The following DUSP13B variants were observed in gnomAD, a reference collection of about 807,000 sequenced individuals.
The protein encoded by DUSP13B is dual specificity phosphatase 13B.
At chr10:75,108,919 C>A in the DUSP13B span, 3 of 1,492,116 alleles carry the variant, frequency 2.0e-6, no homozygotes, top group Admixed American at 4.3e-5. Flanking sequence ...GCTATTTCTC[C>A]TTGTTTCCAC....
chr10:75,104,547 T>C, the DUSP13B span, among the ~76,000 whole-genome samples: 6 of 152,284 alleles, frequency 3.9e-5, no homozygotes, highest in East Asian at 1.2e-3. Context: ...TGACTGGGCA[T>C]GGTCCGAGAT....
At chr10:75,094,866 A>G in the DUSP13B span, 3 of 1,614,092 alleles carry the variant, frequency 1.9e-6, no homozygotes, top group Non-Finnish European at 2.5e-6. Context: ...GGCACAGTGT[A>G]CCAGCACGCG....
the DUSP13B span, chr10:75,095,733 G>A: frequency 1.2e-6 from 2 of 1,614,230 alleles, no homozygotes; most frequent in Admixed American, 1.7e-5. Context: ...CTTGCCTGCA[G>A]CGGCATTCAC....
At chr10:75,098,931 G>A in the DUSP13B span, 1 of 1,212,734 alleles carries the variant, frequency 8.2e-7, no homozygotes, top group African/African-American at 1.6e-5. Context: ...ACCATCTTTG[G>A]GGCCTCCAGA....
At chr10:75,095,908 C>T in the DUSP13B span, 2 of 966,576 alleles carry the variant, frequency 2.1e-6, no homozygotes, top group Non-Finnish European at 3.1e-6. Flanking sequence ...AGGGTAGAGA[C>T]AAGAGCCTGC....
the DUSP13B span, chr10:75,108,030 G>A: frequency 1.5e-5 from 24 of 1,613,472 alleles, no homozygotes; most frequent in South Asian, 1.3e-4. Context: ...GAAGTCAGCC[G>A]CAGAGGAGAA....
At chr10:75,101,766 A>AACC in the DUSP13B span, 2 of 748,174 alleles carry the variant, frequency 2.7e-6, no homozygotes, top group Non-Finnish European at 2.1e-6. Context: ...CCCAACCCAA[A>AACC]CCCCACCCCT....
chr10:75,105,495 A>G, the DUSP13B span, among the ~76,000 whole-genome samples: 4 of 152,146 alleles, frequency 2.6e-5, no homozygotes, highest in African/African-American at 9.7e-5. Flanking sequence ...AGGTTAAGGG[A>G]ACCCAGCAGT....
chr10:75,094,757 G>A, the DUSP13B span: 5 of 1,614,080 alleles, frequency 3.1e-6, no homozygotes, highest in African/African-American at 6.7e-5. Flanking sequence ...GGCAGATATT[G>A]CGGTGGGCCT....
chr10:75,102,020 C>T, the DUSP13B span: 3 of 1,268,342 alleles, frequency 2.4e-6, no homozygotes, highest in South Asian at 2.4e-5. Context: ...CTTCCAGCCT[C>T]CCCTGCCACT....
the DUSP13B span, chr10:75,105,915 A>AC: frequency 2.0e-6 from 3 of 1,522,050 alleles, no homozygotes; most frequent in South Asian, 3.6e-5. Context: ...ACACCGGCCC[A>AC]CCCACGGGCT....
the DUSP13B span, chr10:75,105,709 C>A: frequency 2.6e-6 from 4 of 1,552,646 alleles, no homozygotes; most frequent in Non-Finnish European, 3.5e-6. Flanking sequence ...GTCCAGCCTG[C>A]AGAGCTGGTG....
At chr10:75,095,659 C>A in the DUSP13B span, 4 of 1,614,096 alleles carry the variant, frequency 2.5e-6, no homozygotes, top group Admixed American at 1.7e-5. Context: ...TTGTCGTCCG[C>A]CTCGATGCCA....
the DUSP13B span, among the ~76,000 whole-genome samples, chr10:75,096,576 CAA>C: frequency 2.8e-4 from 23 of 80,762 alleles, no homozygotes; most frequent in Admixed American, 3.7e-4. Context: ...GACCCCGCCT[CAA>C]AAAAAAAAAA....
At chr10:75,100,771 T>A in the DUSP13B span, among the ~76,000 whole-genome samples, 2 of 152,232 alleles carry the variant, frequency 1.3e-5, no homozygotes, top group Admixed American at 6.5e-5. Context: ...TCCATGCACT[T>A]CTTTTCTGTG....
the DUSP13B span, among the ~76,000 whole-genome samples, chr10:75,104,909 T>G: frequency 6.6e-6 from 1 of 151,576 alleles, no homozygotes; most frequent in Non-Finnish European, 1.5e-5. Context: ...AGGGAGAGAG[T>G]CAGGCCCTGC....
the DUSP13B span, among the ~76,000 whole-genome samples, chr10:75,102,721 G>A: frequency 3.9e-5 from 6 of 152,172 alleles, no homozygotes; most frequent in African/African-American, 1.4e-4. Context: ...GGGAGGCCGA[G>A]GTGGGCGGAT....
At chr10:75,108,321 C>G in the DUSP13B span, 1 of 1,466,852 alleles carries the variant, frequency 6.8e-7, no homozygotes, top group Non-Finnish European at 8.9e-7. Context: ...CAAAGAGAGT[C>G]CAACCCCAGC....
the DUSP13B span, chr10:75,097,878 A>G: frequency 6.2e-7 from 1 of 1,603,998 alleles, no homozygotes; most frequent in Non-Finnish European, 8.5e-7. Flanking sequence ...TTCTGCAGTG[A>G]GTCCATCCTG....
Sources: gnomAD v4.1 joint callset for allele counts (sites outside exome capture counted in the v4.1 genomes callset) on GRCh38, gnomAD v4.1.1 for gene constraint, MANE v1.5 for transcripts, NCBI Gene and HGNC (gene_info 2026-07-23, HGNC 2026-07-21) for gene names.